CSMD2: variants seen among roughly 807,000 people sequenced by gnomAD.
The protein encoded by CSMD2 is CUB and Sushi multiple domains 2, also known as CUB and sushi domain-containing protein 2.
Under a neutral mutation model 398.5 loss-of-function variants are expected in CSMD2, and 130 were observed. The ratio of observed to expected loss-of-function variants is 0.33; its 90% CI spans 0.28 to 0.38. CSMD2 has a LOEUF of 0.38. Among genes scored for constraint, CSMD2 ranks in the 10% least tolerant of loss-of-function variants. CSMD2 has a pLI of 1.00. For missense variants in CSMD2, 3,829 were observed against 4,764.9 expected (o/e 0.80, Z 5.78); for synonymous variants, 1,828 against 1,908.5 (o/e 0.96, Z 1.10).
chr1:34,116,836 AG>A (rs1661651399), intron 1 of CSMD2, among the ~76,000 whole-genome samples: 1 of 152,128 alleles, frequency 6.6e-6, no homozygotes, highest in African/African-American at 2.4e-5. Context: ...CAGCAGCAAA[AG>A]GAAAACTGGA....
intron 13 of CSMD2, among the ~76,000 whole-genome samples, chr1:33,748,344 AAAG>A (rs1477963727): frequency 2.0e-5 from 3 of 152,326 alleles, no homozygotes; most frequent in Non-Finnish European, 4.4e-5. Context: ...ACCCAGGTTA[AAAG>A]AAGGAGATCA....
intron 3 of CSMD2, among the ~76,000 whole-genome samples, chr1:33,948,875 G>A (rs1235619421): frequency 1.3e-5 from 2 of 152,194 alleles, no homozygotes; most frequent in African/African-American, 4.8e-5. Context: ...GATTTCAGAG[G>A]TAGGGATCAA....
At chr1:34,076,909 C>CAAAAAAAAAAAAAA (rs1160217243) in intron 2 of CSMD2, among the ~76,000 whole-genome samples, 2 of 10,210 alleles carry the variant, frequency 2.0e-4, no homozygotes, top group African/African-American at 7.5e-4. Flanking sequence ...TACAGCAAAG[C>CAAAAAAAAAAAAAA]AAAAAAAAAA....
intron 67 of CSMD2, 46 bp downstream of exon 67, chr1:33,523,261 C>A (rs772877640): frequency 1.6e-5 from 15 of 942,760 alleles, no homozygotes; most frequent in Non-Finnish European, 2.6e-5. Flanking sequence ...CTCTTCCCTG[C>A]CAGTGATCTG....
At chr1:34,138,217 G>T (rs1050433533) in intron 1 of CSMD2, among the ~76,000 whole-genome samples, 2 of 152,174 alleles carry the variant, frequency 1.3e-5, no homozygotes, top group Non-Finnish European at 2.9e-5. Context: ...TGGTTAAGCA[G>T]GTCCCAGATC....
intron 64 of CSMD2, among the ~76,000 whole-genome samples, chr1:33,531,774 A>G (rs1655255092): frequency 6.6e-6 from 1 of 152,258 alleles, no homozygotes; most frequent in Non-Finnish European, 1.5e-5. Context: ...GCAAATTTAC[A>G]GAAGCAGGAA....
chr1:33,670,335 T>C (rs937667107), intron 25 of CSMD2, among the ~76,000 whole-genome samples: 9 of 152,226 alleles, frequency 5.9e-5, no homozygotes, highest in Non-Finnish European at 1.2e-4. Context: ...TGGTGAATGT[T>C]GTCTGACTGA....
At position 34,003,383 on chromosome 1, in the gene CSMD2, G is replaced by A. The variant is rs570722598; in HGVS notation, c.517+29211C>T. Among the ~76,000 whole-genome samples, 6 of 152,226 alleles carry A rather than the reference G, an allele frequency of 3.9e-5. No homozygotes were observed. In the South Asian group the frequency reaches 1.0e-3, roughly 26 times the overall value. On this transcript the variant is annotated intron_variant, in intron 3 of 70. Coordinates refer to ENST00000373381, the MANE Select transcript of CSMD2 (RefSeq NM_001281956.2). ...TCCCTCTGTGGTAACATAGTTTTGC[G>A]CCTTTCTGTCATTGCTTTTTACAAG...
chr1:33,645,971 C>T (rs762148741), intron 29 of CSMD2, among the ~76,000 whole-genome samples: 1 of 152,228 alleles, frequency 6.6e-6, no homozygotes, highest in Non-Finnish European at 1.5e-5. Flanking sequence ...TTTAGCACTA[C>T]AGTAGTAGGG....
intron 13 of CSMD2, among the ~76,000 whole-genome samples, chr1:33,751,708 G>A (rs982173708): frequency 1.3e-5 from 2 of 152,154 alleles, no homozygotes; most frequent in Admixed American, 1.3e-4. Context: ...CGTAACCTCT[G>A]CCTCCTGGGT....
At chr1:33,886,974 G>C (rs10799002) in intron 5 of CSMD2, among the ~76,000 whole-genome samples, 39,864 of 151,570 alleles carry the variant, frequency 0.26, 5,710 homozygotes, top group African/African-American at 0.37. Context: ...GAGACTCAGA[G>C]GTTTTTTTTT....
Position 33,519,621 on chromosome 1 carries a change from C to T in CSMD2, c.10793G>A (p.Arg3598Gln), listed in dbSNP as rs1431737649. The change falls in exon 70 of 71, where the codon CGG becomes CAG. Residue 3598 changes from arginine to glutamine, a missense_variant. Physicochemically the swap from Arg to Gln is conservative, Grantham distance 43 (BLOSUM62 1). Coordinates refer to ENST00000373381, the MANE Select transcript of CSMD2 (RefSeq NM_001281956.2). This position sits in a 1 kb window ranked among gnomAD's most constrained non-coding sequence, Gnocchi z 5.6. ...GTACATTGGGTTCTCAAATGTGGCC[C>T]GAACATTGGTGTTCTCGTGGCCAGC... is the stretch of plus-strand genomic sequence containing the variant. The part of the protein sequence containing the change: ...GYAGHENTNV[R>Q]ATFENPMYDR... The T allele has an allele frequency of 8.1e-6, 13 of 1,613,832 alleles. No individual in the cohort carries two copies. The highest frequency in any genetic ancestry group is 1.7e-5 in the Admixed American group (1 of 59,984).
chr1:33,759,427 G>C (rs886665648), intron 13 of CSMD2, among the ~76,000 whole-genome samples: 4 of 145,730 alleles, frequency 2.7e-5, no homozygotes, highest in African/African-American at 1.0e-4. Context: ...CCGGGTTCAC[G>C]CCATTCTCCT....
chr1:33,998,454 A>G (rs1646795397), intron 3 of CSMD2, among the ~76,000 whole-genome samples: 1 of 152,256 alleles, frequency 6.6e-6, no homozygotes, highest in African/African-American at 2.4e-5. Flanking sequence ...ACCAGTCTGT[A>G]GTAGGACCAG....
At chr1:33,660,744 A>G (rs1316850544) in intron 26 of CSMD2, among the ~76,000 whole-genome samples, 1 of 152,222 alleles carries the variant, frequency 6.6e-6, no homozygotes, top group African/African-American at 2.4e-5. Flanking sequence ...CCCTTCTGTT[A>G]GAGAAAACCA....
At chr1:33,698,639 C>T in intron 24 of CSMD2, 114 bp downstream of exon 24, 1 of 950,266 alleles carries the variant, frequency 1.1e-6, no homozygotes, top group Non-Finnish European at 1.6e-6. Context: ...GGATTCAGTC[C>T]AAGTTGATGG....
chr1:33,709,045 A>G (rs1645898923), intron 22 of CSMD2, 44 bp downstream of exon 22: 3 of 1,524,068 alleles, frequency 2.0e-6, no homozygotes, highest in Non-Finnish European at 2.7e-6. Context: ...TGACTAGACT[A>G]TTGCATACTA....
chr1:33,613,610 C>G (rs555848155), intron 40 of CSMD2, among the ~76,000 whole-genome samples: 4 of 152,194 alleles, frequency 2.6e-5, no homozygotes, highest in African/African-American at 4.8e-5. Context: ...TCCCTAATCT[C>G]TAATCACACT....
intron 56 of CSMD2, 118 bp from the exon 57 acceptor site, chr1:33,546,337 GCCTAGCACAAGTTA>G (rs1656892894): frequency 1.0e-6 from 1 of 1,001,990 alleles, no homozygotes; most frequent in East Asian, 2.7e-5. Flanking sequence ...CACGAATGAG[GCCTAGCACAAGTTA>G]CCTGCACATG....
Sources: allele counts gnomAD v4.1 joint callset (sites outside exome capture counted in the v4.1 genomes callset), GRCh38; gene constraint gnomAD v4.1.1; non-coding constraint Gnocchi (gnomAD v3.1); transcripts MANE v1.5; gene names NCBI Gene and HGNC (gene_info 2026-07-23, HGNC 2026-07-21).